Variants in RALA observed in about 807,000 individuals in gnomAD.
The protein encoded by RALA is ras-related protein Ral-A.
RALA carries 5 observed loss-of-function variants against 24.0 expected under a neutral mutation model. That is an observed-to-expected ratio of 0.21 (90% CI 0.11 to 0.44). The LOEUF (loss-of-function observed/expected upper bound fraction) is 0.44. RALA is among the 20% of genes least tolerant of loss of function. The pLI, the probability that RALA is intolerant of heterozygous loss-of-function variation, is 0.99. For missense variants in RALA, 95 were observed against 241.2 expected, an observed-to-expected ratio of 0.39 and a Z score of 4.01; for synonymous variants, 77 against 83.8, an observed-to-expected ratio of 0.92 and a Z score of 0.44.
intron 1 of RALA, among the ~76,000 whole-genome samples, chr7:39,675,739 TAAAAAAAAAA>T (rs752072089): frequency 7.7e-5 from 9 of 116,350 alleles, no homozygotes; most frequent in Non-Finnish European, 1.6e-4. Flanking sequence ...TCTGGGAAAT[TAAAAAAAAAA>T]AAAAAAAAAA....
At chr7:39,657,928 A>ATAC (rs1792122884) in intron 1 of RALA, among the ~76,000 whole-genome samples, 1 of 152,190 alleles carries the variant, frequency 6.6e-6, no homozygotes, top group Non-Finnish European at 1.5e-5. Context: ...AGCCTGTGTG[A>ATAC]TACTAGTTCA....
At position 39,693,618 on chromosome 7, in the gene RALA, G is replaced by A. The variant is rs115664165; in HGVS notation, c.323+3028G>A. Among the ~76,000 whole-genome samples, 76 of 152,252 alleles carry A rather than the reference G, an allele frequency of 5.0e-4. No individual in the cohort carries two copies. The Middle Eastern group carries it at 0.01, about 20-fold the overall frequency. On this transcript the variant is annotated intron_variant, in intron 3 of 4. Coordinates refer to ENST00000005257, the MANE Select transcript of RALA (RefSeq NM_005402.4). The stretch of plus-strand genomic sequence containing the variant: ...CAGGCCGTCATTCACAAAGGAAACT[G>A]GTTAAGAAAGTCACAGCACGCCCTA...
chr7:39,627,761 ACTACAGCAGCCTT>A (rs1396187699), intron 1 of RALA, among the ~76,000 whole-genome samples: 2 of 152,216 alleles, frequency 1.3e-5, no homozygotes, highest in East Asian at 3.8e-4. Flanking sequence ...ATTCTGGATT[ACTACAGCAGCCTT>A]CTAGCCTATG....
intron 1 of RALA, among the ~76,000 whole-genome samples, chr7:39,627,171 C>T (rs1583698736): frequency 6.6e-6 from 1 of 151,600 alleles, no homozygotes; most frequent in East Asian, 1.9e-4. Context: ...TTTAAGACAT[C>T]TTTCTTATTA....
intron 1 of RALA, among the ~76,000 whole-genome samples, chr7:39,652,856 C>G (rs981480811): frequency 6.6e-6 from 1 of 151,702 alleles, no homozygotes; most frequent in Non-Finnish European, 1.5e-5. Context: ...ACGTCTGCCT[C>G]CCAGGTGCGA....
intron 1 of RALA, among the ~76,000 whole-genome samples, chr7:39,650,494 A>G (rs1792001906): frequency 6.6e-6 from 1 of 152,168 alleles, no homozygotes; most frequent in East Asian, 1.9e-4. Flanking sequence ...ATAGGTATCA[A>G]ATCTAGGGAA....
chr7:39,628,463 G>A (rs899416584), intron 1 of RALA, among the ~76,000 whole-genome samples: 23 of 151,740 alleles, frequency 1.5e-4, no homozygotes, highest in African/African-American at 5.3e-4. Context: ...TCAGTCAAGT[G>A]CCCAAACTTT....
intron 1 of RALA, among the ~76,000 whole-genome samples, chr7:39,650,788 A>G (rs1792005105): frequency 6.6e-6 from 1 of 152,192 alleles, no homozygotes; most frequent in South Asian, 2.1e-4. Flanking sequence ...CTGACTTAGA[A>G]TCTCCCATGA....
chr7:39,692,317 GTC>G (rs1792835096), intron 3 of RALA, among the ~76,000 whole-genome samples: 1 of 152,006 alleles, frequency 6.6e-6, no homozygotes, highest in South Asian at 2.1e-4. Flanking sequence ...TTCCTTTCCT[GTC>G]TCAGTATCCC....
At chr7:39,679,956 C>T (rs1321038729) in intron 1 of RALA, among the ~76,000 whole-genome samples, 1 of 152,110 alleles carries the variant, frequency 6.6e-6, no homozygotes, top group Non-Finnish European at 1.5e-5. Flanking sequence ...TGATCACCCT[C>T]CCAAAGTGCT....
chr7:39,639,937 G>A (rs1174029280), intron 1 of RALA, among the ~76,000 whole-genome samples: 3 of 151,964 alleles, frequency 2.0e-5, no homozygotes, highest in Admixed American at 6.5e-5. Context: ...CATTAAAACC[G>A]AATCATGATG....
At chr7:39,697,824 G>C (rs939904620) in intron 4 of RALA, among the ~76,000 whole-genome samples, 2 of 152,142 alleles carry the variant, frequency 1.3e-5, no homozygotes, top group Admixed American at 1.3e-4. Context: ...TGTCGTTGCT[G>C]TCTTAAGCTT....
intron 4 of RALA, among the ~76,000 whole-genome samples, chr7:39,697,807 A>G (rs1792948205): frequency 6.6e-6 from 1 of 152,196 alleles, no homozygotes; most frequent in Non-Finnish European, 1.5e-5. Flanking sequence ...TGTAGGTCTT[A>G]AGACAGTGTC....
intron 3 of RALA, among the ~76,000 whole-genome samples, chr7:39,693,245 A>G (rs1019357369): frequency 6.6e-6 from 1 of 152,244 alleles, no homozygotes; most frequent in Non-Finnish European, 1.5e-5. Context: ...GCCATAAAAA[A>G]GGATGAGTTC....
chr7:39,624,958 A>C (rs1443320550), intron 1 of RALA, among the ~76,000 whole-genome samples: 1 of 152,190 alleles, frequency 6.6e-6, no homozygotes, highest in Non-Finnish European at 1.5e-5. Flanking sequence ...TATTATTCTA[A>C]ACCGACTCCT....
At chr7:39,678,596 C>T (rs779666521) in intron 1 of RALA, among the ~76,000 whole-genome samples, 22 of 152,146 alleles carry the variant, frequency 1.4e-4, no homozygotes, top group Middle Eastern at 3.4e-3. Flanking sequence ...AAAAGTTGAA[C>T]GGTAAGAGAC....
chr7:39,695,242 C>A (rs1792897566), intron 3 of RALA, among the ~76,000 whole-genome samples: 1 of 152,118 alleles, frequency 6.6e-6, no homozygotes, highest in African/African-American at 2.4e-5. Flanking sequence ...ATAGTCAAGT[C>A]TCTTCTATAA....
chr7:39,656,144 A>T (rs1351977999), intron 1 of RALA, among the ~76,000 whole-genome samples: 1 of 152,218 alleles, frequency 6.6e-6, no homozygotes, highest in Non-Finnish European at 1.5e-5. Flanking sequence ...ATTTATTCCC[A>T]AGCCTTGTAC....
chr7:39,696,876 T>A lies in RALA; in HGVS notation c.498+17T>A, dbSNP rs181970980. ...GTTGACAAGGTAACACGTGACTCTTTACTACTGCATCATGTTAAAATAGGT... is the reference window on the plus strand; with the variant it reads ...GTTGACAAGGTAACACGTGACTCTTAACTACTGCATCATGTTAAAATAGGT... On this transcript the variant is annotated intron_variant, in intron 4 of 4. Coordinates refer to ENST00000005257, the MANE Select transcript of RALA (RefSeq NM_005402.4). 9.5e-4 allele frequency: 1,515 copies of A among 1,594,254 alleles called. 1 individual carries two copies. Among genetic ancestry groups the A allele is most frequent in the Non-Finnish European group, 1.1e-3 (1,336 of 1,171,806 alleles).
Sources: allele counts gnomAD v4.1 joint callset (sites outside exome capture counted in the v4.1 genomes callset), GRCh38; gene constraint gnomAD v4.1.1; transcripts MANE v1.5; gene names NCBI Gene and HGNC (gene_info 2026-07-23, HGNC 2026-07-21).